The following UNC5D variants were observed in gnomAD, a reference collection of about 807,000 sequenced individuals.
UNC5D encodes the protein netrin receptor UNC5D.
Under a neutral mutation model 105.4 loss-of-function variants are expected in UNC5D, and 39 were observed. That is an observed-to-expected ratio of 0.37 (90% CI 0.29 to 0.48). The LOEUF (loss-of-function observed/expected upper bound fraction) is 0.48, where lower values mean the gene tolerates loss of function less well. Among genes scored for constraint, UNC5D ranks in the 20% least tolerant of loss-of-function variants. The pLI is 0.98. For synonymous variants in UNC5D, 452 were observed against 450.4 expected, an observed-to-expected ratio of 1.00 and a Z score of -0.04; for missense variants, 991 against 1,202.4, an observed-to-expected ratio of 0.82 and a Z score of 2.60.
At chr8:35,592,551 G>A (rs1416956298) in intron 3 of UNC5D, among the ~76,000 whole-genome samples, 1 of 152,132 alleles carries the variant, frequency 6.6e-6, no homozygotes, top group Admixed American at 6.6e-5. Flanking sequence ...TGTGTCTAAA[G>A]AGTTTATTTC....
At chr8:35,362,382 A>G (rs564131008) in intron 1 of UNC5D, among the ~76,000 whole-genome samples, 1 of 152,322 alleles carries the variant, frequency 6.6e-6, no homozygotes, top group East Asian at 1.9e-4. Context: ...GACACAGAAT[A>G]AATGGTAACC....
intron 16 of UNC5D, among the ~76,000 whole-genome samples, chr8:35,785,620 C>T (rs1325269367): frequency 6.6e-6 from 1 of 152,124 alleles, no homozygotes; most frequent in Non-Finnish European, 1.5e-5. Flanking sequence ...CTCGGCCTCC[C>T]AAAGTGCTGG....
chr8:35,761,367 C>G (rs1801523690), intron 14 of UNC5D, among the ~76,000 whole-genome samples: 1 of 152,236 alleles, frequency 6.6e-6, no homozygotes, highest in African/African-American at 2.4e-5. Flanking sequence ...TACCTTGCAG[C>G]ATGACTTAAA....
intron 7 of UNC5D, among the ~76,000 whole-genome samples, chr8:35,700,298 CT>C (rs1430138958): frequency 6.6e-6 from 1 of 152,006 alleles, no homozygotes; most frequent in East Asian, 1.9e-4. Flanking sequence ...ACAAATAGCT[CT>C]TAATTTTGTT....
chr8:35,654,594 C>T (rs1001487961), intron 4 of UNC5D, among the ~76,000 whole-genome samples: 1 of 152,160 alleles, frequency 6.6e-6, no homozygotes, highest in African/African-American at 2.4e-5. Flanking sequence ...ACTTTATCAC[C>T]AGCCTGGCGA....
chr8:35,297,070 G>C (rs980432509), intron 1 of UNC5D, among the ~76,000 whole-genome samples: 18 of 152,180 alleles, frequency 1.2e-4, no homozygotes, highest in Non-Finnish European at 2.4e-4. Context: ...TCTAGATGAA[G>C]CTCTTCAGTG....
intron 1 of UNC5D, among the ~76,000 whole-genome samples, chr8:35,340,596 T>C (rs911938700): frequency 6.6e-6 from 1 of 152,168 alleles, no homozygotes; most frequent in Non-Finnish European, 1.5e-5. Flanking sequence ...TTGTCTCTGG[T>C]ACCCAGGTCC....
At chr8:35,262,448 A>G (rs1021055311) in intron 1 of UNC5D, among the ~76,000 whole-genome samples, 1 of 152,218 alleles carries the variant, frequency 6.6e-6, no homozygotes, top group Non-Finnish European at 1.5e-5. Flanking sequence ...AATGATTTAA[A>G]AGCTTACTTA....
intron 3 of UNC5D, among the ~76,000 whole-genome samples, chr8:35,594,296 C>T (rs530667782): frequency 1.3e-5 from 2 of 152,248 alleles, no homozygotes; most frequent in East Asian, 1.9e-4. Context: ...CATGGCTTGC[C>T]GTGCTTGTTA....
intron 1 of UNC5D, among the ~76,000 whole-genome samples, chr8:35,244,409 A>G (rs1802968803): frequency 6.6e-6 from 1 of 152,212 alleles, no homozygotes; most frequent in Non-Finnish European, 1.5e-5. Context: ...TCGGAGACAG[A>G]AAGAGAAATA....
Position 35,498,114 on chromosome 8 carries a change from G to C in UNC5D, c.104-51178G>C, listed in dbSNP as rs560102076. 2.4e-3 allele frequency among the ~76,000 whole-genome samples: 337 copies of C among 139,810 alleles called. 1 individual carries two copies. Among genetic ancestry groups the C allele is most frequent in the African/African-American group, 8.9e-3 (324 of 36,606 alleles). The allele number at this position is 139,810 out of a possible 152,430, so 91.7% of individuals were successfully genotyped here. On this transcript the variant is annotated intron_variant, in intron 1 of 16. Coordinates refer to ENST00000404895, the MANE Select transcript of UNC5D (RefSeq NM_080872.4). Reference sequence around the variant, plus strand: ...AAAAAAAAAAAAAAAAAAAAAAAGCGGGGGAGAGTCAGGAGCAAAGTGAAG... The same window carrying C: ...AAAAAAAAAAAAAAAAAAAAAAAGCCGGGGAGAGTCAGGAGCAAAGTGAAG...
chr8:35,744,347 C>A (rs1472155644), intron 11 of UNC5D, among the ~76,000 whole-genome samples: 1 of 152,134 alleles, frequency 6.6e-6, no homozygotes, highest in African/African-American at 2.4e-5. Context: ...AGTTAAGTAC[C>A]TTGTGGGAAG....
intron 3 of UNC5D, among the ~76,000 whole-genome samples, chr8:35,573,829 CTG>C (rs1388666704): frequency 1.3e-5 from 2 of 152,170 alleles, no homozygotes; most frequent in South Asian, 2.1e-4. Flanking sequence ...TAATTTCACA[CTG>C]TGTCAGGAAG....
chr8:35,639,499 T>C (rs1454291509), intron 4 of UNC5D, among the ~76,000 whole-genome samples: 1 of 152,170 alleles, frequency 6.6e-6, no homozygotes, highest in African/African-American at 2.4e-5. Flanking sequence ...AAACGTAATA[T>C]ATTTATTACA....
At chr8:35,597,751 T>G (rs1819578110) in intron 4 of UNC5D, among the ~76,000 whole-genome samples, 1 of 152,120 alleles carries the variant, frequency 6.6e-6, no homozygotes, top group African/African-American at 2.4e-5. Context: ...GGCATAACCT[T>G]TGCATTTTAG....
chr8:35,605,139 G>C (rs953427163), intron 4 of UNC5D, among the ~76,000 whole-genome samples: 1 of 152,056 alleles, frequency 6.6e-6, no homozygotes. Context: ...AGAGTTTCCG[G>C]TTTTTCTGTT....
At chr8:35,364,172 G>A (rs1801989307) in intron 1 of UNC5D, among the ~76,000 whole-genome samples, 2 of 152,090 alleles carry the variant, frequency 1.3e-5, no homozygotes, top group Non-Finnish European at 2.9e-5. Flanking sequence ...TCTCAAAAAT[G>A]AACTAATTAG....
intron 1 of UNC5D, among the ~76,000 whole-genome samples, chr8:35,529,453 C>A (rs1814162494): frequency 6.7e-6 from 1 of 149,498 alleles, no homozygotes; most frequent in Non-Finnish European, 1.5e-5. Context: ...TTACTGTAGA[C>A]TTGTAGTATA....
chr8:35,319,988 C>T (rs1475637865), intron 1 of UNC5D, among the ~76,000 whole-genome samples: 1 of 151,932 alleles, frequency 6.6e-6, no homozygotes, highest in Admixed American at 6.6e-5. Flanking sequence ...AAAGTGTTGA[C>T]AAAAAGAGTC....
Sources: gnomAD v4.1 joint callset for allele counts (sites outside exome capture counted in the v4.1 genomes callset) on GRCh38, gnomAD v4.1.1 for gene constraint, MANE v1.5 for transcripts, NCBI Gene and HGNC (gene_info 2026-07-23, HGNC 2026-07-21) for gene names.